Variants in ETS1 observed in about 807,000 individuals in gnomAD.
ETS1 encodes ETS proto-oncogene 1, transcription factor.
Under a neutral mutation model 58.6 loss-of-function variants are expected in ETS1, and 15 were observed. That is an observed-to-expected ratio of 0.26 (90% CI 0.17 to 0.39). The LOEUF (loss-of-function observed/expected upper bound fraction) is 0.39. ETS1 is among the 10% of genes least tolerant of loss of function. The pLI is 1.00. For missense variants in ETS1, 417 were observed against 610.5 expected (o/e 0.68, Z 3.34); for synonymous variants, 214 against 218.2 (o/e 0.98, Z 0.17).
At chr11:128,574,043 T>C (rs994326799) in intron 1 of ETS1, among the ~76,000 whole-genome samples, 5 of 152,262 alleles carry the variant, frequency 3.3e-5, no homozygotes, top group African/African-American at 9.6e-5. Flanking sequence ...AAGCAACTGA[T>C]ACATTTCAAG....
chr11:128,579,974 G>T (rs1396829728), intron 1 of ETS1, among the ~76,000 whole-genome samples: 1 of 151,530 alleles, frequency 6.6e-6, no homozygotes, highest in Non-Finnish European at 1.5e-5. Flanking sequence ...GACACTTCCT[G>T]TATCTATGCC....
chr11:128,558,357 T>G (rs1288489496), intron 2 of ETS1, among the ~76,000 whole-genome samples: 1 of 152,068 alleles, frequency 6.6e-6, no homozygotes, highest in Non-Finnish European at 1.5e-5. Context: ...TCAGAAAATG[T>G]TTCCTGGCCG....
chr11:128,547,220 A>G (rs948517248), intron 3 of ETS1, among the ~76,000 whole-genome samples: 3 of 152,252 alleles, frequency 2.0e-5, no homozygotes, highest in African/African-American at 7.2e-5. Context: ...TGCGTACTCT[A>G]GAAGTACAAT....
At chr11:128,537,619 C>T (rs993438408) in intron 3 of ETS1, among the ~76,000 whole-genome samples, 1 of 152,300 alleles carries the variant, frequency 6.6e-6, no homozygotes, top group South Asian at 2.1e-4. Flanking sequence ...CGGGTGCACA[C>T]CTTCCTAGCA....
chr11:128,553,063 T>C (rs775297361), intron 3 of ETS1, among the ~76,000 whole-genome samples: 5 of 152,158 alleles, frequency 3.3e-5, no homozygotes, highest in Admixed American at 2.6e-4. Context: ...CAACAGACAT[T>C]TCAGCCGTGT....
chr11:128,556,658 C>G (rs1864317989), intron 2 of ETS1, among the ~76,000 whole-genome samples: 1 of 152,166 alleles, frequency 6.6e-6, no homozygotes, highest in Non-Finnish European at 1.5e-5. Context: ...TTATCTTCCT[C>G]CATTTCTTCA....
chr11:128,540,077 C>T (rs1163767812), intron 3 of ETS1, among the ~76,000 whole-genome samples: 1 of 152,058 alleles, frequency 6.6e-6, no homozygotes, highest in African/African-American at 2.4e-5. Flanking sequence ...TTTGGGAGGC[C>T]AAGGCGGGCG....
chr11:128,551,968 C>G (rs1682773462), intron 3 of ETS1, among the ~76,000 whole-genome samples: 1 of 152,038 alleles, frequency 6.6e-6, no homozygotes, highest in Admixed American at 6.5e-5. Flanking sequence ...AATCAGAAAC[C>G]CTGGGGGTAG....
intron 3 of ETS1, among the ~76,000 whole-genome samples, chr11:128,552,433 G>T (rs1023698162): frequency 1.3e-5 from 2 of 152,192 alleles, no homozygotes; most frequent in African/African-American, 4.8e-5. Context: ...AAGACTATAG[G>T]TTCCTCCTCA....
chr11:128,557,637 A>G (rs1864333142), intron 2 of ETS1, among the ~76,000 whole-genome samples: 1 of 152,206 alleles, frequency 6.6e-6, no homozygotes, highest in Non-Finnish European at 1.5e-5. Flanking sequence ...CAGGATTCTA[A>G]TCGACACTGG....
chr11:128,580,861 T>G (rs990314819), intron 1 of ETS1, among the ~76,000 whole-genome samples: 12 of 152,202 alleles, frequency 7.9e-5, no homozygotes, highest in Admixed American at 4.6e-4. Context: ...CCATCTCCTA[T>G]TTCTCTAAAA....
intron 2 of ETS1, among the ~76,000 whole-genome samples, chr11:128,557,579 A>G (rs1864332290): frequency 6.6e-6 from 1 of 152,222 alleles, no homozygotes; most frequent in Non-Finnish European, 1.5e-5. Context: ...AAAAACTAAG[A>G]CACAAAAGGA....
rs773572879 is a variant in ETS1 at position 128,490,472 on chromosome 11, G to A, written c.319C>T (p.Leu107=). ...AAAACCATACCTTTTGGGATCCCCA[G>A]TCGTTGCTGTTCTTTAGTGAAACCA... ...FSGFTKEQQR[L]GIPKDPRQWT... Residue 107 remains leucine (L), a synonymous_variant, in exon 4 of 10, where the codon CTG becomes TTG. Coordinates refer to ENST00000392668, the MANE Select transcript of ETS1 (RefSeq NM_001143820.2). 3.1e-6 allele frequency: 5 copies of A among 1,614,066 alleles called. No homozygotes were observed. The Admixed American group carries it at 5.0e-5, about 16-fold the overall frequency.
At chr11:128,485,745 C>A (rs955971172) in intron 6 of ETS1, among the ~76,000 whole-genome samples, 18 of 152,046 alleles carry the variant, frequency 1.2e-4, no homozygotes, top group African/African-American at 4.3e-4. Flanking sequence ...CTAACCCAAC[C>A]CTCTTTTGGC....
intron 8 of ETS1, among the ~76,000 whole-genome samples, chr11:128,470,646 A>G (rs1298754766): frequency 6.6e-6 from 1 of 152,178 alleles, no homozygotes; most frequent in East Asian, 1.9e-4. Flanking sequence ...CAGAAAATAT[A>G]TTTTTAAAAA....
chr11:128,501,851 A>T (rs1043552907), intron 3 of ETS1, among the ~76,000 whole-genome samples: 2 of 152,242 alleles, frequency 1.3e-5, no homozygotes, highest in African/African-American at 4.8e-5. Context: ...ATATGAGGTT[A>T]CAATATTCAG....
chr11:128,533,280 C>T lies in ETS1; in HGVS notation c.214+23011G>A, dbSNP rs115835492. ...CATCGCAATACACAAGGGCTGCCGC[C>T]GCCATTGCAGGAGAGTGTCAGAGAA... On this transcript the variant is annotated intron_variant, in intron 3 of 9. Coordinates refer to ENST00000392668, the MANE Select transcript of ETS1 (RefSeq NM_001143820.2). Among the ~76,000 whole-genome samples the T allele has an allele frequency of 8.5e-3, 1,294 of 152,322 alleles. 14 individuals carry two copies. Among genetic ancestry groups the T allele is most frequent in the African/African-American group, 0.029 (1,221 of 41,560 alleles).
chr11:128,507,216 A>C (rs570729259), intron 3 of ETS1, among the ~76,000 whole-genome samples: 1 of 152,204 alleles, frequency 6.6e-6, no homozygotes, highest in Admixed American at 6.5e-5. Context: ...CCTGACTCAG[A>C]TCGAGCCGGG....
chr11:128,471,280 G>A (rs555809444), intron 8 of ETS1, among the ~76,000 whole-genome samples: 11 of 152,252 alleles, frequency 7.2e-5, no homozygotes, highest in Non-Finnish European at 1.5e-4. Flanking sequence ...CCTGGAACAG[G>A]GTTAAGTGAG....
Sources: allele counts gnomAD v4.1 joint callset (sites outside exome capture counted in the v4.1 genomes callset), GRCh38; gene constraint gnomAD v4.1.1; transcripts MANE v1.5; gene names NCBI Gene and HGNC (gene_info 2026-07-23, HGNC 2026-07-21).